Variants in ESRRG observed in about 807,000 individuals in gnomAD.
The protein encoded by ESRRG is estrogen-related receptor gamma.
In ESRRG, 13 loss-of-function variants were observed where a neutral mutation model predicts 44.0. The observed-to-expected ratio is 0.30, with a 90% CI of 0.19 to 0.47. The LOEUF (loss-of-function observed/expected upper bound fraction) is 0.47, where lower values mean the gene tolerates loss of function less well. ESRRG is among the 20% of genes least tolerant of loss of function. The pLI, the probability that ESRRG is intolerant of heterozygous loss-of-function variation, is 1.00. For synonymous variants in ESRRG, 215 were observed against 214.6 expected, an observed-to-expected ratio of 1.00 and a Z score of -0.02; for missense variants, 395 against 580.6, an observed-to-expected ratio of 0.68 and a Z score of 3.29.
intron 2 of ESRRG, among the ~76,000 whole-genome samples, chr1:216,778,776 T>A (rs1466946113): frequency 6.6e-6 from 1 of 151,652 alleles, no homozygotes; most frequent in African/African-American, 2.4e-5. Flanking sequence ...GGATTCAACC[T>A]ATGTGGAAGA....
chr1:216,966,232 C>T (rs897993513), intron 1 of ESRRG, among the ~76,000 whole-genome samples: 1 of 152,180 alleles, frequency 6.6e-6, no homozygotes, highest in African/African-American at 2.4e-5. Context: ...CCCACTTCCA[C>T]AGAAATCTCA....
At chr1:216,588,605 C>A (rs756614327) in intron 3 of ESRRG, among the ~76,000 whole-genome samples, 1 of 152,176 alleles carries the variant, frequency 6.6e-6, no homozygotes, top group African/African-American at 2.4e-5. Flanking sequence ...TCTTACAATT[C>A]TGTGCTGTAA....
At chr1:216,539,999 A>C (rs985559609) in intron 5 of ESRRG, among the ~76,000 whole-genome samples, 1 of 152,042 alleles carries the variant, frequency 6.6e-6, no homozygotes, top group African/African-American at 2.4e-5. Flanking sequence ...TAAAAAAATC[A>C]TAATTTAACC....
At chr1:216,775,838 TAC>T (rs2093593330) in intron 2 of ESRRG, among the ~76,000 whole-genome samples, 1 of 152,032 alleles carries the variant, frequency 6.6e-6, no homozygotes, top group Admixed American at 6.6e-5. Flanking sequence ...GTGCTGGGGT[TAC>T]AGATGTCAGC....
At chr1:216,848,414 C>G (rs1416168689) in intron 2 of ESRRG, among the ~76,000 whole-genome samples, 1 of 145,078 alleles carries the variant, frequency 6.9e-6, no homozygotes, top group Non-Finnish European at 1.5e-5. Flanking sequence ...TTTTTTTTGA[C>G]TCATTAGGTC....
chr1:216,531,193 T>C (rs7543237), intron 5 of ESRRG, among the ~76,000 whole-genome samples: 53,839 of 151,870 alleles, frequency 0.35, 9,757 homozygotes, highest in Non-Finnish European at 0.37. Flanking sequence ...ATGCTGACCC[T>C]GAAACTCCAC....
Position 216,651,081 on chromosome 1 carries a change from C to T in ESRRG, c.481G>A (p.Glu161Lys). 6.3e-7 allele frequency: 1 copy of T among 1,597,450 alleles called. No individual in the cohort carries two copies. Residue 161 changes from glutamate to lysine, a missense_variant, in exon 3 of 7, where the codon GAA becomes AAA. Glu to Lys is a moderately conservative substitution (Grantham distance 56). Around this residue, in one of 5 missense-constraint regions of ESRRG, gnomAD observed 35 missense variants for 120.1 expected, o/e 0.29. Transcript: ENST00000408911. Reference protein sequence around the residue: ...FFKRTIQGNIEYSCPATNECE... With the variant: ...FFKRTIQGNIKYSCPATNECE... ...TCATTCGTGGCAGGGCAGCTGTATT[C>T]TATATTGCCTAAAACACAAGTTTGA... is the stretch of plus-strand genomic sequence containing the variant.
intron 3 of ESRRG, among the ~76,000 whole-genome samples, chr1:216,582,059 C>A (rs1365290342): frequency 2.0e-5 from 3 of 152,124 alleles, no homozygotes; most frequent in Non-Finnish European, 2.9e-5. Flanking sequence ...TCCATTATAT[C>A]TGCATAGATT....
At chr1:216,917,851 A>G in intron 2 of ESRRG, among the ~76,000 whole-genome samples, 1 of 152,262 alleles carries the variant, frequency 6.6e-6, no homozygotes, top group East Asian at 1.9e-4. Context: ...CAATGTCATG[A>G]GCAATCATAG....
intron 5 of ESRRG, among the ~76,000 whole-genome samples, chr1:216,539,212 A>G (rs1572561914): frequency 1.4e-5 from 2 of 148,104 alleles, no homozygotes; most frequent in East Asian, 4.0e-4. Context: ...ATATATATAT[A>G]CCAATATATA....
At chr1:216,929,797 C>A (rs1459884851) in intron 2 of ESRRG, among the ~76,000 whole-genome samples, 2 of 150,694 alleles carry the variant, frequency 1.3e-5, no homozygotes, top group Admixed American at 1.3e-4. Context: ...TGGACCAGAC[C>A]CCCCAGGTCT....
intron 2 of ESRRG, among the ~76,000 whole-genome samples, chr1:216,812,961 C>G (rs1251360274): frequency 6.6e-6 from 1 of 152,126 alleles, no homozygotes; most frequent in Admixed American, 6.5e-5. Flanking sequence ...GGCTCCATAA[C>G]AAGTATTGGA....
At position 216,519,414 on chromosome 1, in the gene ESRRG, G is replaced by T; in HGVS notation, c.870C>A (p.Ser290=). The T allele has an allele frequency of 6.2e-7, 1 of 1,605,246 alleles. No individual in the cohort carries two copies. The part of the protein sequence containing the change: ...IGWAKHIPGF[S]TLSLADQMSL... Reference sequence around the variant, plus strand: ...TCATCTGGTCCGCCAGGGACAGCGTGGAGAAGCCTGCATGGAAAGATGGGC... The same window carrying T: ...TCATCTGGTCCGCCAGGGACAGCGTTGAGAAGCCTGCATGGAAAGATGGGC... Residue 290 remains serine (S), a synonymous_variant, in exon 6 of 7, where the codon TCC becomes TCA. Transcript: ENST00000408911.
At chr1:216,824,399 T>G (rs1176362389) in intron 2 of ESRRG, among the ~76,000 whole-genome samples, 1 of 152,016 alleles carries the variant, frequency 6.6e-6, no homozygotes, top group East Asian at 1.9e-4. Context: ...TGAGTGGAGA[T>G]CGTGTCACTT....
chr1:216,672,040 AAGAAAGAAGGAAGGAAGGAAGGAG>A (rs1227223264), intron 2 of ESRRG, among the ~76,000 whole-genome samples: 3 of 70,314 alleles, frequency 4.3e-5, no homozygotes, highest in Non-Finnish European at 7.9e-5. Flanking sequence ...GAAGGAAGGA[AAGAAAGAAGGAAGGAAGGAAGGAG>A]GGAAAGAAGG....
chr1:216,572,854 C>T (rs2149687029), intron 3 of ESRRG, among the ~76,000 whole-genome samples: 1 of 152,122 alleles, frequency 6.6e-6, no homozygotes, highest in South Asian at 2.1e-4. Context: ...AATGAAAATT[C>T]TATCTCTATC....
intron 5 of ESRRG, among the ~76,000 whole-genome samples, chr1:216,540,330 A>G (rs751844569): frequency 1.3e-5 from 2 of 152,060 alleles, no homozygotes; most frequent in Non-Finnish European, 2.9e-5. Context: ...CATTTATTAC[A>G]CATTTTAAAT....
chr1:216,732,276 A>G (rs2088968011), intron 2 of ESRRG, among the ~76,000 whole-genome samples: 1 of 151,982 alleles, frequency 6.6e-6, no homozygotes, highest in Non-Finnish European at 1.5e-5. Flanking sequence ...CATTATTATT[A>G]TATTATCATC....
At chr1:216,789,815 C>T (rs960249068) in intron 2 of ESRRG, among the ~76,000 whole-genome samples, 13 of 152,052 alleles carry the variant, frequency 8.5e-5, no homozygotes, top group African/African-American at 2.7e-4. Flanking sequence ...GGAGAAAGGC[C>T]ACCAGACTTG....
Sources: gnomAD v4.1 joint callset for allele counts (sites outside exome capture counted in the v4.1 genomes callset) on GRCh38, gnomAD v4.1.1 for gene constraint, gnomAD v4.1.1 regional missense constraint, MANE v1.5 for transcripts, NCBI Gene and HGNC (gene_info 2026-07-23, HGNC 2026-07-21) for gene names.